Variants in NNMT observed in about 807,000 individuals in gnomAD.
NNMT encodes the protein nicotinamide N-methyltransferase.
A neutral mutation model predicts 11.7 loss-of-function variants in NNMT; 10 were observed. That is an observed-to-expected ratio of 0.85 (90% CI 0.53 to 1.45). NNMT has a LOEUF of 1.45. NNMT is among the 40% of genes most tolerant of loss of function. The pLI, the probability that NNMT is intolerant of heterozygous loss-of-function variation, is 0.00. For missense variants in NNMT, 381 were observed against 319.4 expected, an observed-to-expected ratio of 1.19 and a Z score of -1.47; for synonymous variants, 143 against 133.8, an observed-to-expected ratio of 1.07 and a Z score of -0.48.
intron 2 of NNMT, among the ~76,000 whole-genome samples, chr11:114,281,532 A>AAGGG (rs1242313646): frequency 6.6e-6 from 1 of 152,126 alleles, no homozygotes; most frequent in Admixed American, 6.5e-5. Flanking sequence ...TAGACAAGCA[A>AAGGG]AGGGAGGGAG....
At chr11:114,277,245 A>C (rs1945220656) in intron 2 of NNMT, among the ~76,000 whole-genome samples, 2 of 152,194 alleles carry the variant, frequency 1.3e-5, no homozygotes, top group Non-Finnish European at 2.9e-5. Context: ...AATAAATAAA[A>C]GAAAAAGAAA....
At chr11:114,264,742 T>C (rs952758324) in intron 2 of NNMT, among the ~76,000 whole-genome samples, 1 of 152,204 alleles carries the variant, frequency 6.6e-6, no homozygotes, top group Non-Finnish European at 1.5e-5. Flanking sequence ...AACCTCCTCA[T>C]TGGGTTTGAT....
chr11:114,294,414 GT>G (rs1161617290), upstream of NNMT, among the ~76,000 whole-genome samples: 1 of 147,420 alleles, frequency 6.8e-6, no homozygotes, highest in Non-Finnish European at 1.5e-5. Context: ...AGAGGTGAAG[GT>G]TGCAGTGAGC....
intron 2 of NNMT, among the ~76,000 whole-genome samples, chr11:114,264,277 A>T (rs977669803): frequency 1.3e-5 from 2 of 152,044 alleles, no homozygotes; most frequent in Non-Finnish European, 2.9e-5. Context: ...GCAAAATTCT[A>T]GAGAGCTGTC....
chr11:114,303,091 A>T (rs369747504), intron 2 of NNMT, among the ~76,000 whole-genome samples: 2 of 152,192 alleles, frequency 1.3e-5, no homozygotes, highest in South Asian at 4.1e-4. Flanking sequence ...TATTATGCAT[A>T]TATTTAAGAT....
At chr11:114,301,451 A>G (rs1591837597) in intron 2 of NNMT, among the ~76,000 whole-genome samples, 1 of 152,370 alleles carries the variant, frequency 6.6e-6, no homozygotes, top group East Asian at 1.9e-4. Flanking sequence ...AAAAGAAATG[A>G]GCTATCAAGC....
chr11:114,298,444 A>T (rs1051200218), intron 2 of NNMT: 36 of 385,470 alleles, frequency 9.3e-5, no homozygotes, highest in African/African-American at 6.6e-4. Context: ...GCCTTTGGGG[A>T]CAAGAGCAGT....
intron 2 of NNMT, among the ~76,000 whole-genome samples, chr11:114,269,319 T>C (rs1945150903): frequency 6.6e-6 from 1 of 152,218 alleles, no homozygotes; most frequent in African/African-American, 2.4e-5. Context: ...ATCCATTGTG[T>C]TCTCTTCTGC....
chr11:114,268,787 A>AC (rs1476656529), intron 2 of NNMT, among the ~76,000 whole-genome samples: 5 of 151,902 alleles, frequency 3.3e-5, no homozygotes, highest in African/African-American at 4.8e-5. Context: ...AAAAAAAAAA[A>AC]AAAACTGAAA....
In NNMT at chr11:114,312,775, C is replaced by T. The variant is rs1020911765; in HGVS notation, c.*298C>T. 4 of 352,890 alleles carry T rather than the reference C, an allele frequency of 1.1e-5. No individual in the cohort carries two copies. The highest frequency in any genetic ancestry group is 2.0e-5 in the African/African-American group (1 of 49,402). 21.9% of individuals were successfully genotyped at this position (352,890 alleles called of 1,614,324 possible). On this transcript the variant is annotated 3_prime_UTR_variant, in exon 3 of 3. Transcript: ENST00000299964. ...ACATCTAGTTATGGCGGCTCAAGCC[C>T]GTACCTGCCTACAGAGAAGTGTCTG...
At chr11:114,295,772 A>G (rs79173593), upstream of NNMT, 11,505 of 152,236 alleles carry the variant, frequency 0.076, 520 homozygotes, top group Middle Eastern at 0.1. Context: ...TGAAAGAACT[A>G]TCAGGATTTG....
chr11:114,271,131 A>G (rs1945166348), intron 2 of NNMT, among the ~76,000 whole-genome samples: 1 of 152,186 alleles, frequency 6.6e-6, no homozygotes, highest in South Asian at 2.1e-4. Context: ...TATTGGGGCC[A>G]AGGGGTTCAA....
chr11:114,294,433 G>A (rs78344030), upstream of NNMT, among the ~76,000 whole-genome samples: 65 of 147,748 alleles, frequency 4.4e-4, no homozygotes, highest in East Asian at 0.012. Context: ...AGCTGAGATC[G>A]CGTCACTGCA....
At chr11:114,265,594 G>C (rs10082573) in intron 2 of NNMT, among the ~76,000 whole-genome samples, 4,048 of 152,260 alleles carry the variant, frequency 0.027, 156 homozygotes, top group African/African-American at 0.089. Context: ...CTGGGATTGA[G>C]TCTGCCTTGG....
At chr11:114,298,424 A>G (rs180895060) in intron 2 of NNMT, 39 of 416,994 alleles carry the variant, frequency 9.4e-5, no homozygotes, top group Non-Finnish European at 1.6e-4. Context: ...TAAACCCCCA[A>G]ATTTTCCAGG....
chr11:114,275,529 C>T (rs560195), intron 2 of NNMT, among the ~76,000 whole-genome samples: 7,000 of 152,222 alleles, frequency 0.046, 257 homozygotes, highest in Non-Finnish European at 0.072. Flanking sequence ...CTAGGCTTGC[C>T]CGTGCCAATA....
At position 114,312,625 on chromosome 11, in the gene NNMT, A is replaced by G. The variant is rs1230063738; in HGVS notation, c.*148A>G. 4.2e-6 allele frequency: 3 copies of G among 713,766 alleles called. No homozygotes were observed. The African/African-American group carries it at 5.3e-5, about 13-fold the overall frequency. 44.2% of individuals were successfully genotyped at this position (713,766 alleles called of 1,614,324 possible). On this transcript the variant is annotated 3_prime_UTR_variant, in exon 3 of 3. Coordinates refer to ENST00000299964, the MANE Select transcript of NNMT (RefSeq NM_006169.3). Reference sequence around the variant, plus strand: ...GACGGGACTAGAGAGGTCAGTCTACAAGCAATCCATTGACCACTTACTTGG... The same window carrying G: ...GACGGGACTAGAGAGGTCAGTCTACGAGCAATCCATTGACCACTTACTTGG...
At chr11:114,287,974 GGTACTT>G (rs1183457869) in intron 2 of NNMT, among the ~76,000 whole-genome samples, 3 of 152,002 alleles carry the variant, frequency 2.0e-5, no homozygotes, top group Admixed American at 6.6e-5. Context: ...TTTATTCTTA[GGTACTT>G]CATATTTTTC....
chr11:114,262,916 G>A (rs980795003), exon 2 of NNMT: 6 of 152,230 alleles, frequency 3.9e-5, no homozygotes, highest in Admixed American at 1.3e-4. Context: ...GCATCAGGAC[G>A]GCTCGTCCAA....
Sources: allele counts gnomAD v4.1 joint callset (sites outside exome capture counted in the v4.1 genomes callset), GRCh38; gene constraint gnomAD v4.1.1; transcripts MANE v1.5; gene names NCBI Gene and HGNC (gene_info 2026-07-23, HGNC 2026-07-21).